The following IMMP2L variants were observed in gnomAD, a reference collection of about 807,000 sequenced individuals.
The protein encoded by IMMP2L is mitochondrial inner membrane protease subunit 2.
In IMMP2L, 18 loss-of-function variants were observed where a neutral mutation model predicts 19.3. The ratio of observed to expected loss-of-function variants is 0.93; its 90% CI spans 0.64 to 1.38. The LOEUF (loss-of-function observed/expected upper bound fraction) is 1.38, where lower values mean the gene tolerates loss of function less well. Among genes scored for constraint, IMMP2L ranks in the 40% most tolerant of loss-of-function variants. The pLI is 0.00. For synonymous variants in IMMP2L, 76 were observed against 73.0 expected (o/e 1.04, Z -0.21); for missense variants, 233 against 218.2 (o/e 1.07, Z -0.43).
intron 5 of IMMP2L, among the ~76,000 whole-genome samples, chr7:110,768,555 C>T (rs1584769544): frequency 1.3e-5 from 2 of 152,268 alleles, no homozygotes; most frequent in South Asian, 4.1e-4. Context: ...TAATGAACTA[C>T]TTTTGGCCCC....
intron 3 of IMMP2L, among the ~76,000 whole-genome samples, chr7:111,334,750 T>A (rs1484775944): frequency 6.6e-6 from 1 of 152,112 alleles, no homozygotes. Flanking sequence ...TTGATGGCAC[T>A]GATTGCCCAA....
intron 3 of IMMP2L, among the ~76,000 whole-genome samples, chr7:111,159,402 C>G (rs1805006846): frequency 6.6e-6 from 1 of 152,076 alleles, no homozygotes; most frequent in Admixed American, 6.6e-5. Flanking sequence ...GTGTGAGCTC[C>G]CACGCCTGTC....
At chr7:111,129,018 C>A (rs1193496577) in intron 3 of IMMP2L, among the ~76,000 whole-genome samples, 1 of 152,096 alleles carries the variant, frequency 6.6e-6, no homozygotes. Context: ...TTAACCCTTA[C>A]AAGATGTTCC....
At chr7:111,341,890 C>T (rs928684165) in intron 3 of IMMP2L, among the ~76,000 whole-genome samples, 45 of 152,214 alleles carry the variant, frequency 3.0e-4, no homozygotes, top group African/African-American at 1.0e-3. Flanking sequence ...TGATCTCTCA[C>T]CCTCTTTTGA....
chr7:110,780,361 A>C (rs1346259495), intron 5 of IMMP2L, among the ~76,000 whole-genome samples: 1 of 151,478 alleles, frequency 6.6e-6, no homozygotes, highest in African/African-American at 2.4e-5. Context: ...CTGGTGCTGA[A>C]AAGAAAGTTG....
At chr7:110,930,839 A>G (rs1330844747) in intron 4 of IMMP2L, among the ~76,000 whole-genome samples, 3 of 152,202 alleles carry the variant, frequency 2.0e-5, no homozygotes, top group African/African-American at 2.4e-5. Context: ...TATAGCTTCA[A>G]TTATACCCTA....
chr7:111,318,561 T>C (rs1027586736), intron 3 of IMMP2L, among the ~76,000 whole-genome samples: 5 of 152,096 alleles, frequency 3.3e-5, no homozygotes, highest in African/African-American at 1.2e-4. Flanking sequence ...TAGACAAAAG[T>C]AATTAATTCC....
At chr7:110,851,174 T>G (rs1055447418) in intron 5 of IMMP2L, among the ~76,000 whole-genome samples, 5 of 152,126 alleles carry the variant, frequency 3.3e-5, no homozygotes, top group Admixed American at 6.6e-5. Context: ...GACAAAATTT[T>G]AAATGTACAT....
At chr7:110,875,516 G>A (rs1808977190) in intron 5 of IMMP2L, among the ~76,000 whole-genome samples, 1 of 152,008 alleles carries the variant, frequency 6.6e-6, no homozygotes, top group Admixed American at 6.6e-5. Context: ...TTGTAGAAAT[G>A]ACATAATTTA....
chr7:111,189,142 T>G (rs1296120462), intron 3 of IMMP2L, among the ~76,000 whole-genome samples: 1 of 152,120 alleles, frequency 6.6e-6, no homozygotes, highest in African/African-American at 2.4e-5. Flanking sequence ...ATAATTCATG[T>G]ATACTTTTTA....
intron 3 of IMMP2L, among the ~76,000 whole-genome samples, chr7:110,989,602 T>C (rs1822242635): frequency 6.6e-6 from 1 of 151,130 alleles, no homozygotes; most frequent in Non-Finnish European, 1.5e-5. Flanking sequence ...TAATTTTCTA[T>C]TTTTATGGGC....
At chr7:110,867,902 A>G (rs1399702434) in intron 5 of IMMP2L, among the ~76,000 whole-genome samples, 1 of 151,918 alleles carries the variant, frequency 6.6e-6, no homozygotes, top group African/African-American at 2.4e-5. Flanking sequence ...TGATGCTGAC[A>G]TTTCTCGGCC....
At chr7:110,844,485 G>T (rs1360225814) in intron 5 of IMMP2L, among the ~76,000 whole-genome samples, 1 of 151,588 alleles carries the variant, frequency 6.6e-6, no homozygotes, top group Non-Finnish European at 1.5e-5. Context: ...TTTGCACCCA[G>T]AAAAAAAGAA....
At chr7:110,918,774 T>C (rs1054559997) in intron 4 of IMMP2L, among the ~76,000 whole-genome samples, 3 of 152,142 alleles carry the variant, frequency 2.0e-5, no homozygotes, top group East Asian at 1.9e-4. Flanking sequence ...GATTTCATTG[T>C]TATATTACTC....
chr7:111,344,791 T>C (rs906064287), intron 3 of IMMP2L, among the ~76,000 whole-genome samples: 1 of 152,100 alleles, frequency 6.6e-6, no homozygotes, highest in Non-Finnish European at 1.5e-5. Flanking sequence ...TTTTTAAAAG[T>C]AGATCGCTGT....
intron 3 of IMMP2L, among the ~76,000 whole-genome samples, chr7:111,134,801 T>G (rs1802178872): frequency 6.6e-6 from 1 of 152,060 alleles, no homozygotes; most frequent in Non-Finnish European, 1.5e-5. Flanking sequence ...CCTGTGACAT[T>G]TAAAATACTC....
chr7:110,761,270 T>C (rs1484475364), intron 5 of IMMP2L, among the ~76,000 whole-genome samples: 1 of 151,982 alleles, frequency 6.6e-6, no homozygotes, highest in Non-Finnish European at 1.5e-5. Flanking sequence ...AAAACGAAAA[T>C]ATAGCCATTC....
chr7:110,822,602 A>G (rs1803135566), intron 5 of IMMP2L, among the ~76,000 whole-genome samples: 1 of 152,088 alleles, frequency 6.6e-6, no homozygotes, highest in African/African-American at 2.4e-5. Flanking sequence ...TACCTTTCAT[A>G]TTATAGTTTA....
intron 3 of IMMP2L, among the ~76,000 whole-genome samples, chr7:111,356,156 G>C (rs1490501494): frequency 2.0e-5 from 3 of 151,756 alleles, no homozygotes; most frequent in African/African-American, 7.3e-5. Flanking sequence ...CTATAAAGTA[G>C]ATTAACAGAC....
Sources: gnomAD v4.1 joint callset for allele counts (sites outside exome capture counted in the v4.1 genomes callset) on GRCh38, gnomAD v4.1.1 for gene constraint, MANE v1.5 for transcripts, NCBI Gene and HGNC (gene_info 2026-07-23, HGNC 2026-07-21) for gene names.